Variants in COPB2 observed in about 807,000 individuals in gnomAD.
COPB2 encodes the protein coat protein complex I subunit beta 2.
Under a neutral mutation model 120.8 loss-of-function variants are expected in COPB2, and 16 were observed. The observed-to-expected ratio is 0.13, with a 90% CI of 0.09 to 0.20. The LOEUF (loss-of-function observed/expected upper bound fraction) is 0.20. Ranked by LOEUF, COPB2 falls within the 10% of genes least tolerant of loss-of-function variation. The pLI is 1.00. For synonymous variants in COPB2, 332 were observed against 366.3 expected (o/e 0.91, Z 1.07); for missense variants, 794 against 1,076.5 (o/e 0.74, Z 3.67).
intron 10 of COPB2, among the ~76,000 whole-genome samples, chr3:139,370,149 C>T (rs767374109): frequency 6.6e-6 from 1 of 152,150 alleles, no homozygotes; most frequent in Non-Finnish European, 1.5e-5. Context: ...TTAGTAGTTA[C>T]GGATTACATA....
chr3:139,373,704 C>T lies in COPB2; in HGVS notation c.856G>A (p.Val286Ile), dbSNP rs1444051181. ...CTCCCTTCATCATAGCCCAAAGCGA[C>T]ATTGTTTGACCCTCTTAGACTGGCC... Reference protein sequence around the residue: ...CVASLRGSNNVALGYDEGSII... With the variant: ...CVASLRGSNNIALGYDEGSII... The change falls in exon 8 of 22, where the codon GTC (valine) becomes ATC (isoleucine). Residue 286 changes from valine to isoleucine, a missense_variant. Physicochemically the swap from Val to Ile is conservative, Grantham distance 29 (BLOSUM62 3). This residue lies in a region of COPB2 where 610 missense variants were observed against 866.7 expected (regional missense o/e 0.70). Transcript: ENST00000333188. The T allele has an allele frequency of 1.9e-6, 3 of 1,614,040 alleles. No individual in the cohort carries two copies. The highest frequency in any genetic ancestry group is 2.7e-5 in the African/African-American group (2 of 74,924).
intron 5 of COPB2, among the ~76,000 whole-genome samples, chr3:139,377,325 T>G (rs75943212): frequency 6.6e-6 from 1 of 152,312 alleles, no homozygotes; most frequent in South Asian, 2.1e-4. Flanking sequence ...AGAGGTGAAG[T>G]TGATGTCTGA....
chr3:139,366,705 T>C lies in COPB2; in HGVS notation c.1747A>G (p.Ile583Val), dbSNP rs2107800126. 6.2e-7 allele frequency: 1 copy of C among 1,614,128 alleles called. No homozygotes were observed. The highest frequency in any genetic ancestry group is 1.3e-5 in the African/African-American group (1 of 75,042). ...LYLGDKELNI[I>V]SYSLLVSVLE... ...ACTGAAACCAGCAGGGAATAGCTAATGATGTTCAATTCTTTATCCCCCAGA... is the reference window on the plus strand; with the variant it reads ...ACTGAAACCAGCAGGGAATAGCTAACGATGTTCAATTCTTTATCCCCCAGA... Residue 583 changes from isoleucine to valine, a missense_variant, in exon 15 of 22, where the codon ATT becomes GTT. By Grantham distance (29) the Ile-to-Val change is conservative (BLOSUM62 3). This residue lies in a region of COPB2 where 610 missense variants were observed against 866.7 expected (regional missense o/e 0.70). Transcript: ENST00000333188.
chr3:139,361,245 C>A lies in COPB2; in HGVS notation c.2046G>T (p.Gln682His). 1 of 1,614,236 alleles carries A rather than the reference C, an allele frequency of 6.2e-7. No individual in the cohort carries two copies. Among genetic ancestry groups the A allele is most frequent in the South Asian group, 1.1e-5 (1 of 91,092 alleles). ...QLAELAISKCQFGLAQECLHH... is the reference protein window; with the variant it reads ...QLAELAISKCHFGLAQECLHH... ...GCAGGCACTCCTGGGCTAGGCCAAA[C>A]TGACATTTACTAATGGCAAGTTCAG... The change falls in exon 17 of 22, where the codon CAG (glutamine) becomes CAT (histidine). Residue 682 changes from glutamine to histidine, a missense_variant. Physicochemically the swap from Gln to His is conservative, Grantham distance 24. Around this residue, in one of 3 missense-constraint regions of COPB2, gnomAD observed 610 missense variants for 866.7 expected, o/e 0.70. Coordinates refer to ENST00000333188, the MANE Select transcript of COPB2 (RefSeq NM_004766.3).
chr3:139,369,121 T>C (rs1941576946), intron 12 of COPB2, 140 bp downstream of exon 12: 1 of 562,310 alleles, frequency 1.8e-6, no homozygotes, highest in Non-Finnish European at 3.1e-6. Flanking sequence ...ATTTAAATTC[T>C]AAGTGCTGTT....
At position 139,375,850 on chromosome 3, in the gene COPB2, A is replaced by C. The variant is rs557939509; in HGVS notation, c.505-236T>G. Reference sequence around the variant, plus strand: ...GCCAATTTCCAGGCTTTATCTCTAGAGATTATAAGTCAGTCAATCCACAGT... The same window carrying C: ...GCCAATTTCCAGGCTTTATCTCTAGCGATTATAAGTCAGTCAATCCACAGT... On this transcript the variant is annotated intron_variant, in intron 5 of 21. Transcript: ENST00000333188. Among the ~76,000 whole-genome samples the C allele has an allele frequency of 1.6e-3, 251 of 152,294 alleles. 1 individual carries two copies. Among genetic ancestry groups the C allele is most frequent in the African/African-American group, 5.1e-3 (210 of 41,548 alleles).
intron 17 of COPB2, 89 bp from the exon 18 acceptor site, chr3:139,359,451 C>G (rs1560011990): frequency 8.6e-7 from 1 of 1,160,260 alleles, no homozygotes; most frequent in Non-Finnish European, 1.2e-6. Context: ...TGTTACAAAG[C>G]CAAAAATCTC....
intron 2 of COPB2, chr3:139,379,954 T>TAATA (rs1161673916): frequency 6.5e-6 from 1 of 153,940 alleles, no homozygotes; most frequent in Non-Finnish European, 1.4e-5. Context: ...AAGTAGTGTG[T>TAATA]AATAAATATT....
chr3:139,367,384 T>C (rs1941537941), intron 13 of COPB2, among the ~76,000 whole-genome samples: 1 of 151,746 alleles, frequency 6.6e-6, no homozygotes, highest in African/African-American at 2.4e-5. Context: ...ACCTCCCGGA[T>C]TCAAGTGATT....
At chr3:139,388,016 G>A (rs1440679687) in intron 1 of COPB2, among the ~76,000 whole-genome samples, 2 of 152,084 alleles carry the variant, frequency 1.3e-5, no homozygotes, top group South Asian at 2.1e-4. Flanking sequence ...ATGAATTCAC[G>A]TTTTGTATTT....
In COPB2 at chr3:139,368,295, C is replaced by T. The variant is rs1215557735; in HGVS notation, c.1402-7G>A. 6.2e-7 allele frequency: 1 copy of T among 1,605,274 alleles called. No homozygotes were observed. The highest frequency in any genetic ancestry group is 1.7e-5 in the Admixed American group (1 of 58,170). On this transcript the variant is annotated splice_region_variant and splice_polypyrimidine_tract_variant and intron_variant, in intron 12 of 21. Transcript: ENST00000333188. ...CAGAGTCAGACCAGAAAATCTGCAA[C>T]ACAACAAAATCATAGACAACTGATT...
At chr3:139,383,844 T>A (rs1037721433) in intron 1 of COPB2, among the ~76,000 whole-genome samples, 1 of 152,184 alleles carries the variant, frequency 6.6e-6, no homozygotes, top group Non-Finnish European at 1.5e-5. Flanking sequence ...TAAAATAACA[T>A]GTTTTTATGA....
intron 5 of COPB2, among the ~76,000 whole-genome samples, chr3:139,376,823 C>T (rs553865383): frequency 3.7e-4 from 56 of 152,362 alleles, no homozygotes; most frequent in African/African-American, 1.2e-3. Flanking sequence ...AATCTCGGCT[C>T]ACTGCAAGCT....
intron 20 of COPB2, 102 bp from the exon 21 acceptor site, chr3:139,358,373 T>C (rs1410120551): frequency 9.4e-7 from 1 of 1,065,232 alleles, no homozygotes; most frequent in Admixed American, 2.0e-5. Context: ...AAGTGGGAGA[T>C]GATGTTTAAA....
At chr3:139,381,601 T>G (rs1174190232) in intron 2 of COPB2, 2 of 152,042 alleles carry the variant, frequency 1.3e-5, no homozygotes, top group Non-Finnish European at 2.9e-5. Flanking sequence ...AAATTACCAC[T>G]GAGATGAATT....
At position 139,357,664 on chromosome 3, in the gene COPB2, C is replaced by T. The variant is rs746459541; in HGVS notation, c.*199G>A. 1.1e-4 allele frequency: 44 copies of T among 405,970 alleles called. No homozygotes were observed. The highest frequency in any genetic ancestry group is 6.2e-4 in the Middle Eastern group (1 of 1,602). The allele number at this position is 405,970 out of a possible 1,614,324, so 25.1% of individuals were successfully genotyped here. Reference sequence around the variant, plus strand: ...CAAAGCCCATGTCTGTTTTAGTTAACAAGGAAAACACAGTGATTTAAATGC... The same window carrying T: ...CAAAGCCCATGTCTGTTTTAGTTAATAAGGAAAACACAGTGATTTAAATGC... On this transcript the variant is annotated 3_prime_UTR_variant, in exon 22 of 22. Coordinates refer to ENST00000333188, the MANE Select transcript of COPB2 (RefSeq NM_004766.3).
Position 139,358,821 on chromosome 3 carries a change from G to T in COPB2, c.2485-9C>A, listed in dbSNP as rs766278645. ...TTTCTCTCTTCATTTGGCTATCAGA[G>T]AATAAAGCAATGATGAAATGAGATA... On this transcript the variant is annotated splice_polypyrimidine_tract_variant and intron_variant, in intron 19 of 21. Transcript: ENST00000333188. The T allele has an allele frequency of 8.7e-6, 14 of 1,608,882 alleles. No homozygotes were observed. The highest frequency in any genetic ancestry group is 1.3e-5 in the African/African-American group (1 of 74,756).
At chr3:139,362,872 T>C (rs1437233611) in intron 15 of COPB2, among the ~76,000 whole-genome samples, 2 of 152,184 alleles carry the variant, frequency 1.3e-5, no homozygotes, top group Non-Finnish European at 2.9e-5. Context: ...TAAACAAGAA[T>C]CATTTCAAAA....
chr3:139,365,741 A>G (rs1042014206), intron 15 of COPB2, among the ~76,000 whole-genome samples: 1 of 152,196 alleles, frequency 6.6e-6, no homozygotes, highest in African/African-American at 2.4e-5. Flanking sequence ...CCACAGGTAC[A>G]TAGAAAATTA....
Sources: allele counts gnomAD v4.1 joint callset (sites outside exome capture counted in the v4.1 genomes callset), GRCh38; gene constraint gnomAD v4.1.1; regional missense constraint gnomAD v4.1.1; transcripts MANE v1.5; gene names NCBI Gene and HGNC (gene_info 2026-07-23, HGNC 2026-07-21).